Variants in EEF1D observed in about 807,000 individuals in gnomAD.
The protein encoded by EEF1D is eukaryotic translation elongation factor 1 delta, also known as elongation factor 1-delta.
EEF1D carries 47 observed loss-of-function variants against 63.9 expected under a neutral mutation model. That is an observed-to-expected ratio of 0.74 (90% CI 0.58 to 0.94). The LOEUF is 0.94. Ranked by LOEUF, EEF1D falls within the 40% of genes least tolerant of loss-of-function variation. The pLI is 0.00. For synonymous variants in EEF1D, 412 were observed against 386.1 expected (o/e 1.07, Z -0.79); for missense variants, 907 against 899.0 (o/e 1.01, Z -0.11).
Position 143,580,680 on chromosome 8 carries a change from G to C in EEF1D, c.1536C>G (p.Ala512=), listed in dbSNP as rs372578098. 1 of 1,613,938 alleles carries C rather than the reference G, an allele frequency of 6.2e-7. No individual in the cohort carries two copies. The highest frequency in any genetic ancestry group is 1.7e-5 in the Admixed American group (1 of 60,034). Residue 512 remains alanine, a synonymous_variant, in exon 8 of 10, where the codon GCC becomes GCG. Coordinates refer to ENST00000618139, the MANE Select transcript of EEF1D (RefSeq NM_001130053.5). The stretch of plus-strand genomic sequence containing the variant: ...CATCCTCGTCATCCTCTGCTGGTGT[G>C]GCTGGCTTCTTGGCTGGGGGCTCCA... ...RQVEPPAKKP[A]TPAEDDEDDD...
chr8:143,580,606 G>T lies in EEF1D; in HGVS notation c.1610C>A (p.Ala537Glu). ...GSDNEEEDKEAAQLREERLRQ... is the reference protein window; with the variant it reads ...GSDNEEEDKEEAQLREERLRQ... ...TAGCCGCTCCTCCCGCAGCTGTGCC[G>T]CCTCCTTGTCCTCCTCCTCATTGTC... is the stretch of plus-strand genomic sequence containing the variant. The change falls in exon 8 of 10, where the codon GCG (alanine) becomes GAG (glutamate). Residue 537 changes from alanine to glutamate, a missense_variant. Coordinates refer to ENST00000618139, the MANE Select transcript of EEF1D (RefSeq NM_001130053.5). 1 of 1,613,728 alleles carries T rather than the reference G, an allele frequency of 6.2e-7. No individual in the cohort carries two copies. The highest frequency in any genetic ancestry group is 8.5e-7 in the Non-Finnish European group (1 of 1,179,894).
intron 2 of EEF1D, chr8:143,590,446 C>T (rs1017603568): frequency 4.3e-5 from 39 of 899,970 alleles, no homozygotes; most frequent in Non-Finnish European, 5.8e-5. Context: ...CGTCATTTAT[C>T]TGAAATAAGC....
At chr8:143,595,667 A>G (rs548662444) in intron 1 of EEF1D, among the ~76,000 whole-genome samples, 1 of 152,070 alleles carries the variant, frequency 6.6e-6, no homozygotes, top group South Asian at 2.1e-4. Flanking sequence ...CCCCAGGCCA[A>G]GCCCCGCCCC....
chr8:143,580,673 C>CT lies in EEF1D; in HGVS notation c.1542dup (p.Ala515SerfsTer4). On this transcript the variant is annotated frameshift_variant, in exon 8 of 10. Transcript: ENST00000618139. LOFTEE classifies it high-confidence loss of function. ...ATGTCATCATCCTCGTCATCCTCTGCTGGTGTGGCTGGCTTCTTGGCTGGG... is the reference window on the plus strand; with the variant it reads ...ATGTCATCATCCTCGTCATCCTCTGCTTGGTGTGGCTGGCTTCTTGGCTGGG... 6.2e-7 allele frequency: 1 copy of CT among 1,613,978 alleles called. No homozygotes were observed. Among genetic ancestry groups the CT allele is most frequent in the Non-Finnish European group, 8.5e-7 (1 of 1,179,998 alleles).
Position 143,580,638 on chromosome 8 carries a change from A to G in EEF1D, c.1578T>C (p.Phe526=), listed in dbSNP as rs1825287220. Residue 526 remains phenylalanine, a synonymous_variant, in exon 8 of 10, where the codon TTT becomes TTC. Coordinates refer to ENST00000618139, the MANE Select transcript of EEF1D (RefSeq NM_001130053.5). ...TGTCCTCCTCCTCATTGTCACTGCC[A>G]AACAGGTCAATGTCATCATCCTCGT... is the stretch of plus-strand genomic sequence containing the variant. The part of the protein sequence containing the change: ...EDDEDDDIDL[F]GSDNEEEDKE... The G allele has an allele frequency of 1.9e-6, 3 of 1,613,886 alleles. No homozygotes were observed. Among genetic ancestry groups the G allele is most frequent in the Non-Finnish European group, 1.7e-6 (2 of 1,179,936 alleles).
rs141488516 is a variant in EEF1D at position 143,589,607 on chromosome 8, C to A, written c.475G>T (p.Val159Leu). 1.3e-6 allele frequency: 2 copies of A among 1,530,202 alleles called. No homozygotes were observed. Among genetic ancestry groups the A allele is most frequent in the Admixed American group, 2.1e-5 (1 of 47,388 alleles). 94.8% of individuals were successfully genotyped at this position (1,530,202 alleles called of 1,614,324 possible). Reference sequence around the variant, plus strand: ...TTGTTGACCCAGATCCCCCAGGTCACGTGGTGGCAGGCCACCTGGTTTCCA... The same window carrying A: ...TTGTTGACCCAGATCCCCCAGGTCAAGTGGTGGCAGGCCACCTGGTTTCCA... Reference protein sequence around the residue: ...THGNQVACHHVTWGIWVNKSS... With the variant: ...THGNQVACHHLTWGIWVNKSS... The change falls in exon 3 of 10, where the codon GTG (valine) becomes TTG (leucine). Residue 159 changes from valine (V) to leucine (L), a missense_variant. Physicochemically the swap from Val to Leu is conservative, Grantham distance 32. Coordinates refer to ENST00000618139, the MANE Select transcript of EEF1D (RefSeq NM_001130053.5).
At chr8:143,584,388 TAAAAA>T (rs71318604) in intron 5 of EEF1D, 5 of 121,036 alleles carry the variant, frequency 4.1e-5, no homozygotes, top group Admixed American at 1.7e-4. Flanking sequence ...CTGCCGCTAC[TAAAAA>T]AAAAAAAAAA....
chr8:143,579,948 G>A (rs973314231), intron 9 of EEF1D, 64 bp downstream of exon 9: 3 of 1,573,768 alleles, frequency 1.9e-6, no homozygotes, highest in South Asian at 2.4e-5. Flanking sequence ...GTGGGGTGGA[G>A]TGCAGGGTAT....
intron 2 of EEF1D, chr8:143,590,504 T>G (rs1827769295): frequency 1.7e-5 from 19 of 1,150,894 alleles, no homozygotes; most frequent in African/African-American, 4.8e-5. Flanking sequence ...AGGCCAGGCC[T>G]GGCCACCCCA....
At chr8:143,580,355 G>A (rs1825193624) in intron 8 of EEF1D, 149 bp from the exon 9 acceptor site, 3 of 1,233,118 alleles carry the variant, frequency 2.4e-6, no homozygotes, top group East Asian at 5.0e-5. Context: ...ACACCTTCCT[G>A]CCTCCAAGTT....
intron 1 of EEF1D, chr8:143,592,949 G>A (rs1828220732): frequency 6.5e-6 from 1 of 152,676 alleles, no homozygotes; most frequent in African/African-American, 2.4e-5. Context: ...GGCCCTGGGG[G>A]ACAAGCAGGG....
At chr8:143,580,469 G>T in intron 8 of EEF1D, 37 bp downstream of exon 8, 2 of 1,595,440 alleles carry the variant, frequency 1.3e-6, no homozygotes. Context: ...CACCAGGGCA[G>T]TGCCTGGCCC....
chr8:143,593,468 A>C (rs181650901), intron 1 of EEF1D, among the ~76,000 whole-genome samples: 4 of 152,282 alleles, frequency 2.6e-5, no homozygotes, highest in African/African-American at 9.6e-5. Flanking sequence ...GCCACCTCCT[A>C]CTGCTGATCA....
chr8:143,593,988 G>A (rs1285785026), intron 1 of EEF1D: 2 of 907,640 alleles, frequency 2.2e-6, no homozygotes, highest in Non-Finnish European at 2.6e-6. Context: ...GCCCGGAGCA[G>A]GACACAGCGA....
At chr8:143,583,044 G>C (rs1392379238) in intron 5 of EEF1D, 1 of 152,218 alleles carries the variant, frequency 6.6e-6, no homozygotes, top group Admixed American at 6.5e-5. Context: ...TTATCCCCCG[G>C]TATCTTAGGA....
Position 143,589,247 on chromosome 8 carries a change from G to A in EEF1D, c.835C>T (p.Arg279Trp), listed in dbSNP as rs748023571. The change falls in exon 3 of 10, where the codon CGG (arginine) becomes TGG (tryptophan). Residue 279 changes from arginine to tryptophan, a missense_variant. Coordinates refer to ENST00000618139, the MANE Select transcript of EEF1D (RefSeq NM_001130053.5). ...EGARRGRRDRRGRNILGNKRA... is the reference protein window; with the variant it reads ...EGARRGRRDRWGRNILGNKRA... ...TTGTTCCCTAAGATGTTGCGGCCCCGCCGGTCTCTGCGGCCCCGCCGGGCA... is the reference window on the plus strand; with the variant it reads ...TTGTTCCCTAAGATGTTGCGGCCCCACCGGTCTCTGCGGCCCCGCCGGGCA... The A allele has an allele frequency of 9.5e-6, 15 of 1,581,192 alleles. No homozygotes were observed. Among genetic ancestry groups the A allele is most frequent in the Middle Eastern group, 1.7e-4 (1 of 5,974 alleles).
In EEF1D at chr8:143,580,266, C is replaced by T. The variant is rs1407321176; in HGVS notation, c.1711-60G>A. On this transcript the variant is annotated intron_variant, in intron 8 of 9. Coordinates refer to ENST00000618139, the MANE Select transcript of EEF1D (RefSeq NM_001130053.5). ...CACCCTCAGAACACCCAGGAAGTAC[C>T]TGCATGCACCCTACCCTCAACCACT... 5.2e-6 allele frequency: 8 copies of T among 1,528,428 alleles called. No homozygotes were observed. The African/African-American group carries it at 5.5e-5, about 10-fold the overall frequency. 94.7% of individuals were successfully genotyped at this position (1,528,428 alleles called of 1,614,324 possible).
intron 2 of EEF1D, chr8:143,590,671 G>A (rs1252693291): frequency 3.4e-5 from 25 of 728,636 alleles, no homozygotes; most frequent in East Asian, 1.3e-4. Context: ...TTGGGAGGCC[G>A]AGGCGGGCGG....
chr8:143,587,039 A>G, intron 3 of EEF1D, 187 bp from the exon 4 acceptor site: 1 of 692,974 alleles, frequency 1.4e-6, no homozygotes, highest in Non-Finnish European at 2.3e-6. Context: ...CCAGACGAGG[A>G]GTTCTCAAAG....
Sources: gnomAD v4.1 joint callset for allele counts (sites outside exome capture counted in the v4.1 genomes callset) on GRCh38, gnomAD v4.1.1 for gene constraint, MANE v1.5 for transcripts, NCBI Gene and HGNC (gene_info 2026-07-23, HGNC 2026-07-21) for gene names.